Variants in SDK1 observed in about 807,000 individuals in gnomAD.
The protein encoded by SDK1 is sidekick cell adhesion molecule 1.
SDK1 carries 157 observed loss-of-function variants against 245.5 expected under a neutral mutation model. The observed-to-expected ratio is 0.64, with a 90% CI of 0.56 to 0.73. The LOEUF is 0.73. SDK1 is among the 30% of genes least tolerant of loss of function. The pLI is 0.00. For missense variants in SDK1, 3,583 were observed against 3,002.3 expected (o/e 1.19, Z -4.52); for synonymous variants, 1,647 against 1,278.5 (o/e 1.29, Z -6.15).
At chr7:4,017,673 A>T (rs980147559) in intron 17 of SDK1, among the ~76,000 whole-genome samples, 7 of 152,338 alleles carry the variant, frequency 4.6e-5, no homozygotes, top group Middle Eastern at 3.4e-3. Context: ...GTAGGTTTTC[A>T]CAGGAAAGCT....
At chr7:4,043,807 G>A (rs921041625) in intron 17 of SDK1, among the ~76,000 whole-genome samples, 2 of 152,096 alleles carry the variant, frequency 1.3e-5, no homozygotes, top group African/African-American at 4.8e-5. Flanking sequence ...GCATTCCTGA[G>A]TCAGTAATTG....
At chr7:4,233,864 G>T (rs1177524296) in intron 41 of SDK1, among the ~76,000 whole-genome samples, 1 of 152,180 alleles carries the variant, frequency 6.6e-6, no homozygotes, top group Non-Finnish European at 1.5e-5. Flanking sequence ...TATGGGCTTT[G>T]TGTCCACGCT....
chr7:3,488,518 T>C (rs960902264), intron 1 of SDK1, among the ~76,000 whole-genome samples: 4 of 152,202 alleles, frequency 2.6e-5, no homozygotes, highest in African/African-American at 7.2e-5. Flanking sequence ...TAATCTTCTT[T>C]TGACTTGAGG....
intron 5 of SDK1, among the ~76,000 whole-genome samples, chr7:3,917,933 CA>C (rs1335332448): frequency 6.6e-6 from 1 of 152,172 alleles, no homozygotes; most frequent in Non-Finnish European, 1.5e-5. Flanking sequence ...GGATTTTGAT[CA>C]AACCCTCGGT....
chr7:4,099,586 C>G (rs1228546114), intron 22 of SDK1, among the ~76,000 whole-genome samples: 1 of 108,356 alleles, frequency 9.2e-6, no homozygotes, highest in Non-Finnish European at 1.9e-5. Flanking sequence ...GGACTGGGCT[C>G]TAGGTACAAA....
intron 1 of SDK1, among the ~76,000 whole-genome samples, chr7:3,507,874 C>T (rs1175067239): frequency 6.6e-6 from 1 of 152,164 alleles, no homozygotes; most frequent in Non-Finnish European, 1.5e-5. Context: ...CCAGCAGTTC[C>T]ATTGCAATAA....
chr7:3,609,628 C>T (rs1781529220), intron 1 of SDK1, among the ~76,000 whole-genome samples: 1 of 152,154 alleles, frequency 6.6e-6, no homozygotes, highest in African/African-American at 2.4e-5. Flanking sequence ...TCTCGATTTC[C>T]TGATCTTATG....
In SDK1 at chr7:4,158,449, C is replaced by T. The variant is rs1465144963; in HGVS notation, c.4627C>T (p.Leu1543=). 1 of 1,612,404 alleles carries T rather than the reference C, an allele frequency of 6.2e-7. No homozygotes were observed. The highest frequency in any genetic ancestry group is 8.5e-7 in the Non-Finnish European group (1 of 1,179,210). ...HEATACVVDR[L]RPFTSYKLRL... ...GTCACGGTCTCTTCCACATTGCAGA[C>T]TGAGGCCCTTCACCTCCTACAAGCT... The change falls in exon 31 of 45, where the codon CTG becomes TTG. Residue 1543 remains leucine, a splice_region_variant and synonymous_variant. Transcript: ENST00000404826.
At chr7:3,667,956 A>C (rs1783586639) in intron 4 of SDK1, among the ~76,000 whole-genome samples, 1 of 152,204 alleles carries the variant, frequency 6.6e-6, no homozygotes. Context: ...TTGCCCAGTT[A>C]CATGCTTGGA....
chr7:3,521,360 G>GT (rs1368463636), intron 1 of SDK1, among the ~76,000 whole-genome samples: 6 of 152,150 alleles, frequency 3.9e-5, no homozygotes, highest in Non-Finnish European at 8.8e-5. Context: ...AGATTCATGG[G>GT]TTCCAGGGAT....
intron 4 of SDK1, among the ~76,000 whole-genome samples, chr7:3,667,992 T>G (rs1051798960): frequency 6.6e-6 from 1 of 152,198 alleles, no homozygotes; most frequent in African/African-American, 2.4e-5. Context: ...AGTGTATGTT[T>G]ATTTAACTTT....
At chr7:3,583,460 G>A (rs969550176) in intron 1 of SDK1, among the ~76,000 whole-genome samples, 5 of 152,166 alleles carry the variant, frequency 3.3e-5, no homozygotes, top group African/African-American at 1.2e-4. Context: ...ACCATCGCTG[G>A]AAATATGTGA....
chr7:3,779,042 A>G (rs115532735), intron 4 of SDK1, among the ~76,000 whole-genome samples: 1,871 of 152,348 alleles, frequency 0.012, 46 homozygotes, highest in African/African-American at 0.043. Flanking sequence ...GTAAAATGAA[A>G]TTAACAAAGG....
At chr7:3,805,970 C>T (rs1287445020) in intron 4 of SDK1, among the ~76,000 whole-genome samples, 1 of 152,126 alleles carries the variant, frequency 6.6e-6, no homozygotes, top group Admixed American at 6.5e-5. Context: ...TCGTGCTTCT[C>T]TCCTCAGTGT....
At chr7:3,922,272 AGGATTCAGTCG>A (rs1420572178) in intron 5 of SDK1, among the ~76,000 whole-genome samples, 2 of 152,186 alleles carry the variant, frequency 1.3e-5, no homozygotes, top group Non-Finnish European at 2.9e-5. Context: ...GGCTGGGAGC[AGGATTCAGTCG>A]GGATGTGCTG....
intron 1 of SDK1, among the ~76,000 whole-genome samples, chr7:3,542,987 T>C (rs546063143): frequency 1.3e-5 from 2 of 152,324 alleles, no homozygotes; most frequent in South Asian, 4.1e-4. Context: ...GCCAAGAGCC[T>C]CTTTGGGGAG....
intron 1 of SDK1, among the ~76,000 whole-genome samples, chr7:3,565,565 G>A (rs1472654295): frequency 6.6e-6 from 1 of 152,180 alleles, no homozygotes; most frequent in Non-Finnish European, 1.5e-5. Flanking sequence ...TAGAACTAAA[G>A]AGTACAATGA....
intron 4 of SDK1, among the ~76,000 whole-genome samples, chr7:3,744,872 A>G (rs1779575584): frequency 6.6e-6 from 1 of 152,016 alleles, no homozygotes; most frequent in African/African-American, 2.4e-5. Flanking sequence ...AAAATAGAAA[A>G]CAAACAAAAA....
chr7:4,171,852 C>A (rs1160740660), intron 32 of SDK1, among the ~76,000 whole-genome samples: 2 of 152,238 alleles, frequency 1.3e-5, no homozygotes, highest in Non-Finnish European at 2.9e-5. Context: ...GGATACGTGA[C>A]CCTTGTAACT....
Sources: gnomAD v4.1 joint callset for allele counts (sites outside exome capture counted in the v4.1 genomes callset) on GRCh38, gnomAD v4.1.1 for gene constraint, MANE v1.5 for transcripts, NCBI Gene and HGNC (gene_info 2026-07-23, HGNC 2026-07-21) for gene names.